PCDHGA8: variants seen among roughly 807,000 people sequenced by gnomAD.
PCDHGA8 encodes the protein protocadherin gamma subfamily A, 8.
Under a neutral mutation model 59.2 loss-of-function variants are expected in PCDHGA8, and 45 were observed. That is an observed-to-expected ratio of 0.76 (90% confidence interval 0.60 to 0.98). PCDHGA8 has a LOEUF of 0.98. PCDHGA8 is among the 50% of genes least tolerant of loss of function. PCDHGA8 has a pLI of 0.00. For synonymous variants in PCDHGA8, 531 were observed against 519.0 expected (o/e 1.02, Z -0.32); for missense variants, 1,257 against 1,196.2 (o/e 1.05, Z -0.75).
At chr5:141,501,036 T>C (rs893597004) in intron 2 of PCDHGA8, among the ~76,000 whole-genome samples, 4 of 151,702 alleles carry the variant, frequency 2.6e-5, no homozygotes, top group Non-Finnish European at 4.4e-5. Flanking sequence ...GCCCAGCTAA[T>C]TTTTGTATTT....
At chr5:141,498,803 C>T (rs916966107) in intron 2 of PCDHGA8, among the ~76,000 whole-genome samples, 5 of 151,982 alleles carry the variant, frequency 3.3e-5, no homozygotes, top group African/African-American at 1.2e-4. Flanking sequence ...TGTGGTGGTG[C>T]ACACCTGTAG....
In PCDHGA8 at chr5:141,392,823, C is replaced by A; in HGVS notation, c.10C>A (p.Pro4Thr). ...CTGCAGCAAAACAACAATGGCCGCT[C>A]CACAGAGTCGCCCCAGACGCGGCGA... MAA[P>T]QSRPRRGELI... Residue 4 changes from proline to threonine, a missense_variant, in exon 1 of 4, where the codon CCA becomes ACA. Coordinates refer to ENST00000398604, the MANE Select transcript of PCDHGA8 (RefSeq NM_032088.2). The A allele has an allele frequency of 6.3e-7, 1 of 1,599,890 alleles. No individual in the cohort carries two copies. The highest frequency in any genetic ancestry group is 8.5e-7 in the Non-Finnish European group (1 of 1,173,162).
chr5:141,409,217 G>T (rs1394491727), intron 1 of PCDHGA8: 3 of 1,613,852 alleles, frequency 1.9e-6, no homozygotes, highest in Non-Finnish European at 2.5e-6. Flanking sequence ...AGAAATCCTT[G>T]ATGAAAACGA....
chr5:141,434,920 A>C (rs927245955), intron 1 of PCDHGA8, among the ~76,000 whole-genome samples: 1 of 151,796 alleles, frequency 6.6e-6, no homozygotes. Flanking sequence ...ATTTATGTAC[A>C]TATATTTTAT....
At position 141,422,099 on chromosome 5, in the gene PCDHGA8, A is replaced by G. The variant is rs374091819; in HGVS notation, c.2424+26862A>G. ...CGGAACATGGAAAGCAAGGCTTCTG[A>G]AATATTCCAATTGGATTCACAAACT... On this transcript the variant is annotated intron_variant, in intron 1 of 3. Transcript: ENST00000398604. 1.9e-6 allele frequency: 3 copies of G among 1,609,706 alleles called. No homozygotes were observed. The African/African-American group carries it at 4.0e-5, about 22-fold the overall frequency.
intron 1 of PCDHGA8, among the ~76,000 whole-genome samples, chr5:141,458,112 A>C (rs2098937913): frequency 6.6e-6 from 1 of 152,208 alleles, no homozygotes; most frequent in Non-Finnish European, 1.5e-5. Context: ...ATAGTCTCCA[A>C]ATTTTAGAGG....
chr5:141,440,503 G>A (rs979260104), intron 1 of PCDHGA8: 10 of 152,154 alleles, frequency 6.6e-5, no homozygotes, highest in Non-Finnish European at 1.0e-4. Flanking sequence ...ACATTAATAT[G>A]GAGATTCAGG....
Position 141,490,972 on chromosome 5 carries a change from C to G in PCDHGA8, c.2425-3835C>G. 6.2e-7 allele frequency: 1 copy of G among 1,613,912 alleles called. No homozygotes were observed. Among genetic ancestry groups the G allele is most frequent in the Non-Finnish European group, 8.5e-7 (1 of 1,179,922 alleles). Reference sequence around the variant, plus strand: ...AGACTGGGAACACTCAGCCCCCCAGCGTCTCCCTCGCTCTGCTCCTCCTGG... The same window carrying G: ...AGACTGGGAACACTCAGCCCCCCAGGGTCTCCCTCGCTCTGCTCCTCCTGG... On this transcript the variant is annotated intron_variant, in intron 1 of 3. Coordinates refer to ENST00000398604, the MANE Select transcript of PCDHGA8 (RefSeq NM_032088.2). The surrounding 1 kb of genome is among the most constrained non-coding windows in gnomAD (Gnocchi z 5.4).
chr5:141,437,000 G>A (rs1197061999), intron 1 of PCDHGA8, among the ~76,000 whole-genome samples: 1 of 152,198 alleles, frequency 6.6e-6, no homozygotes, highest in Non-Finnish European at 1.5e-5. Flanking sequence ...TTACTTCAAT[G>A]GGATCTTAGA....
Position 141,432,608 on chromosome 5 carries a change from T to G in PCDHGA8, c.2424+37371T>G. ...GCTCAAGGCCAGCGAGCCGGGACTC[T>G]TCTCGGTGGGTCTGCACACGGGCGA... On this transcript the variant is annotated intron_variant, in intron 1 of 3. Transcript: ENST00000398604. This position sits in a 1 kb window ranked among gnomAD's most constrained non-coding sequence, Gnocchi z 6.0. The G allele has an allele frequency of 6.2e-7, 1 of 1,613,864 alleles. No individual in the cohort carries two copies. The highest frequency in any genetic ancestry group is 8.5e-7 in the Non-Finnish European group (1 of 1,179,964).
Position 141,485,606 on chromosome 5 carries a change from G to T in PCDHGA8, c.2425-9201G>T, listed in dbSNP as rs2099616630. On this transcript the variant is annotated intron_variant, in intron 1 of 3. Transcript: ENST00000398604. The surrounding 1 kb of genome is among the most constrained non-coding windows in gnomAD (Gnocchi z 5.7). ...GCAGCTGGACTTGGAAATTGGGGAG[G>T]CAGCTCCTCCAGGACAGCGTTTCCC... is the stretch of plus-strand genomic sequence containing the variant. 1.2e-6 allele frequency: 2 copies of T among 1,612,362 alleles called. No homozygotes were observed. The highest frequency in any genetic ancestry group is 4.5e-5 in the East Asian group (2 of 44,840).
At chr5:141,501,103 G>A (rs1449600108) in intron 2 of PCDHGA8, among the ~76,000 whole-genome samples, 9 of 152,078 alleles carry the variant, frequency 5.9e-5, no homozygotes, top group African/African-American at 1.4e-4. Context: ...TCTTGACCTC[G>A]TGATCCGCCT....
chr5:141,505,324 G>A, intron 2 of PCDHGA8, 69 bp from the exon 3 acceptor site: 2 of 1,607,104 alleles, frequency 1.2e-6, no homozygotes, highest in African/African-American at 1.3e-5. Context: ...GGAGCCCTGG[G>A]AGAGGACAGG....
intron 1 of PCDHGA8, among the ~76,000 whole-genome samples, chr5:141,444,106 G>A (rs2098417269): frequency 7.6e-6 from 1 of 131,112 alleles, no homozygotes; most frequent in South Asian, 2.6e-4. Flanking sequence ...TGGAAACCAA[G>A]AAAAGTGAAG....
At chr5:141,419,471 G>A in intron 1 of PCDHGA8, 1 of 1,612,462 alleles carries the variant, frequency 6.2e-7, no homozygotes, top group Non-Finnish European at 8.5e-7. Context: ...CCGCGACCAG[G>A]GCTCGCCCGC....
chr5:141,475,977 A>C, intron 1 of PCDHGA8: 1 of 972,828 alleles, frequency 1.0e-6, no homozygotes, highest in Non-Finnish European at 1.5e-6. Flanking sequence ...GAGACTGAAC[A>C]GCCGGCGAGC....
At chr5:141,488,991 T>G in intron 1 of PCDHGA8, 1 of 414,332 alleles carries the variant, frequency 2.4e-6, no homozygotes, top group Non-Finnish European at 4.3e-6. Flanking sequence ...AGAGCTGAGG[T>G]GGGAGATCTG....
At chr5:141,446,208 G>GAT (rs1387839424) in intron 1 of PCDHGA8, among the ~76,000 whole-genome samples, 1 of 152,156 alleles carries the variant, frequency 6.6e-6, no homozygotes, top group Non-Finnish European at 1.5e-5. Context: ...CTAGGTGTCT[G>GAT]AAAATATTGT....
Position 141,494,872 on chromosome 5 carries a change from G to A in PCDHGA8, c.2483+7G>A. On this transcript the variant is annotated splice_region_variant and intron_variant, in intron 2 of 3. Transcript: ENST00000398604. ...AGAGACCCGGCACCAGCGGGTAGGT[G>A]ACTGATTCTCCAGCCCACCCTCTTC... 1 of 1,614,128 alleles carries A rather than the reference G, an allele frequency of 6.2e-7. No individual in the cohort carries two copies. Among genetic ancestry groups the A allele is most frequent in the South Asian group, 1.1e-5 (1 of 91,074 alleles).
Sources: gnomAD v4.1 joint callset for allele counts (sites outside exome capture counted in the v4.1 genomes callset) on GRCh38, gnomAD v4.1.1 for gene constraint, Gnocchi (gnomAD v3.1) non-coding constraint, MANE v1.5 for transcripts, NCBI Gene and HGNC (gene_info 2026-07-23, HGNC 2026-07-21) for gene names.